CDC14A: variants seen among roughly 807,000 people sequenced by gnomAD.
CDC14A encodes dual specificity protein phosphatase CDC14A.
In CDC14A, 53 loss-of-function variants were observed where a neutral mutation model predicts 74.4. That is an observed-to-expected ratio of 0.71 (90% confidence interval 0.57 to 0.89). The LOEUF is 0.89. Ranked by LOEUF, CDC14A falls within the 40% of genes least tolerant of loss-of-function variation. The probability of loss-of-function intolerance (pLI) is 0.00; values close to 1 mark genes in which losing one functional copy is unlikely to be tolerated. For synonymous variants in CDC14A, 247 were observed against 258.4 expected, an observed-to-expected ratio of 0.96 and a Z score of 0.43; for missense variants, 646 against 713.7, an observed-to-expected ratio of 0.91 and a Z score of 1.08.
At chr1:100,373,732 A>G (rs1654806140) in intron 2 of CDC14A, among the ~76,000 whole-genome samples, 1 of 152,226 alleles carries the variant, frequency 6.6e-6, no homozygotes, top group Non-Finnish European at 1.5e-5. Context: ...TTACAATACA[A>G]CACCACACTG....
In CDC14A at chr1:100,508,301, A is replaced by G. The variant is rs1649414175; in HGVS notation, c.1755+9039A>G. The stretch of plus-strand genomic sequence containing the variant: ...TATGTGTGTGTATATATATAGATAT[A>G]TATATATATTTTTTTCACTTGAAGG... On this transcript the variant is annotated intron_variant, in intron 15 of 15. Coordinates refer to ENST00000336454, the MANE Select transcript of CDC14A (RefSeq NM_003672.4). This position sits in a 1 kb window ranked among gnomAD's most constrained non-coding sequence, Gnocchi z 4.4. 1.3e-5 allele frequency among the ~76,000 whole-genome samples: 2 copies of G among 151,364 alleles called. No individual in the cohort carries two copies. The highest frequency in any genetic ancestry group is 4.8e-5 in the African/African-American group (2 of 41,264).
intron 4 of CDC14A, among the ~76,000 whole-genome samples, chr1:100,394,590 A>G (rs1206564164): frequency 6.6e-6 from 1 of 152,200 alleles, no homozygotes; most frequent in Non-Finnish European, 1.5e-5. Flanking sequence ...CTTTAAAGCA[A>G]CCAAAAGGGG....
At chr1:100,456,521 T>G (rs1170972381) in intron 8 of CDC14A, among the ~76,000 whole-genome samples, 1 of 152,070 alleles carries the variant, frequency 6.6e-6, no homozygotes, top group Non-Finnish European at 1.5e-5. Flanking sequence ...GATTTATTCT[T>G]CAGCTGGGCA....
rs114283083 is a variant in CDC14A, at chr1:100,411,806, A to G, written c.310-12416A>G. On this transcript the variant is annotated intron_variant, in intron 4 of 15. Coordinates refer to ENST00000336454, the MANE Select transcript of CDC14A (RefSeq NM_003672.4). ...GAAAATCCCTGTCCTGACAGAGCTTAGATTTTGCTGGGAGAAACAAACAAA... is the reference window on the plus strand; with the variant it reads ...GAAAATCCCTGTCCTGACAGAGCTTGGATTTTGCTGGGAGAAACAAACAAA... Among the ~76,000 whole-genome samples, 529 of 152,344 alleles carry G rather than the reference A, an allele frequency of 3.5e-3. 5 individuals are homozygous for G. The highest frequency in any genetic ancestry group is 0.012 in the African/African-American group (494 of 41,576).
intron 4 of CDC14A, among the ~76,000 whole-genome samples, chr1:100,391,857 A>T (rs778481976): frequency 6.6e-6 from 1 of 152,228 alleles, no homozygotes; most frequent in Non-Finnish European, 1.5e-5. Flanking sequence ...TGCTTGTAGC[A>T]CTGAGGTGCC....
intron 4 of CDC14A, among the ~76,000 whole-genome samples, chr1:100,417,549 G>A (rs1460548455): frequency 6.6e-6 from 1 of 152,204 alleles, no homozygotes; most frequent in Non-Finnish European, 1.5e-5. Context: ...ATATTTGGAT[G>A]AGGGAGTATG....
In CDC14A at chr1:100,509,621, C is replaced by T. The variant is rs374352096; in HGVS notation, c.1756-8630C>T. On this transcript the variant is annotated intron_variant, in intron 15 of 15. Transcript: ENST00000336454. ...CACCTTCCTCTTACACACACATACA[C>T]ATACATGTGGATGTGCATGCATGTG... is the stretch of plus-strand genomic sequence containing the variant. Among the ~76,000 whole-genome samples the T allele has an allele frequency of 3.9e-5, 6 of 152,364 alleles. No individual in the cohort carries two copies. In the South Asian group the frequency reaches 6.2e-4, roughly 16 times the overall value.
At chr1:100,354,898 C>T (rs1323256178) in intron 2 of CDC14A, among the ~76,000 whole-genome samples, 1 of 152,204 alleles carries the variant, frequency 6.6e-6, no homozygotes, top group East Asian at 1.9e-4. Context: ...TCTGGACCTT[C>T]AAGAGCATAT....
chr1:100,372,138 T>G (rs1654565007), intron 2 of CDC14A, among the ~76,000 whole-genome samples: 1 of 152,240 alleles, frequency 6.6e-6, no homozygotes, highest in South Asian at 2.1e-4. Context: ...TAACTAAAAA[T>G]ACTTTATTGC....
At chr1:100,484,801 G>A in intron 11 of CDC14A, 1 of 988,344 alleles carries the variant, frequency 1.0e-6, no homozygotes, top group Non-Finnish European at 1.2e-6. Flanking sequence ...ACCACAAGTG[G>A]TGCTTTGAAA....
At chr1:100,453,957 A>G (rs1666404150) in intron 7 of CDC14A, among the ~76,000 whole-genome samples, 1 of 152,180 alleles carries the variant, frequency 6.6e-6, no homozygotes, top group South Asian at 2.1e-4. Context: ...TATTATGTTT[A>G]TTACAACTAG....
At chr1:100,353,065 G>A in intron 1 of CDC14A, 62 bp downstream of exon 1, 1 of 1,561,778 alleles carries the variant, frequency 6.4e-7, no homozygotes, top group Non-Finnish European at 8.8e-7. Context: ...CACTTCCCGC[G>A]CCACTGTCCC....
At chr1:100,493,761 T>G (rs1455366294) in intron 11 of CDC14A, among the ~76,000 whole-genome samples, 1 of 152,216 alleles carries the variant, frequency 6.6e-6, no homozygotes, top group Non-Finnish European at 1.5e-5. Flanking sequence ...TTTGCATTTC[T>G]TTATTTCTTT....
chr1:100,404,279 G>C (rs1659646823), intron 4 of CDC14A, among the ~76,000 whole-genome samples: 1 of 151,988 alleles, frequency 6.6e-6, no homozygotes, highest in African/African-American at 2.4e-5. Flanking sequence ...AAATAGGGTT[G>C]CCATGCTAAA....
chr1:100,349,927 C>T (rs547150474), upstream of CDC14A, among the ~76,000 whole-genome samples: 3 of 151,182 alleles, frequency 2.0e-5, no homozygotes, highest in East Asian at 3.9e-4. Flanking sequence ...GGATTACAGG[C>T]GTGTGCCACC....
chr1:100,465,639 GC>G (rs1367053045), intron 9 of CDC14A, among the ~76,000 whole-genome samples: 1 of 152,220 alleles, frequency 6.6e-6, no homozygotes, highest in Non-Finnish European at 1.5e-5. Flanking sequence ...AATATGTCAT[GC>G]CTCAACGTAA....
At chr1:100,471,309 G>T (rs1557797181) in intron 10 of CDC14A, among the ~76,000 whole-genome samples, 1 of 152,152 alleles carries the variant, frequency 6.6e-6, no homozygotes, top group Admixed American at 6.5e-5. Context: ...ACTTTCTAGA[G>T]TGTTGGAAAT....
At chr1:100,352,001 T>TGCGC (rs780596608), upstream of CDC14A, among the ~76,000 whole-genome samples, 162 of 133,886 alleles carry the variant, frequency 1.2e-3, no homozygotes, top group East Asian at 4.7e-3. Flanking sequence ...TGTGTGTGTG[T>TGCGC]GTGCGCGCGC....
At chr1:100,355,699 G>A (rs1570937825) in intron 2 of CDC14A, among the ~76,000 whole-genome samples, 1 of 152,180 alleles carries the variant, frequency 6.6e-6, no homozygotes, top group Admixed American at 6.6e-5. Context: ...AGTAATGGCT[G>A]TGGCTCTGAC....
Sources: allele counts gnomAD v4.1 joint callset (sites outside exome capture counted in the v4.1 genomes callset), GRCh38; gene constraint gnomAD v4.1.1; non-coding constraint Gnocchi (gnomAD v3.1); transcripts MANE v1.5; gene names NCBI Gene and HGNC (gene_info 2026-07-23, HGNC 2026-07-21).